The following GBP6 variants were observed in gnomAD, a reference collection of about 807,000 sequenced individuals.
GBP6 encodes the protein guanylate binding protein family member 6, also known as guanylate-binding protein 6.
Under a neutral mutation model 61.5 loss-of-function variants are expected in GBP6, and 54 were observed. The observed-to-expected ratio is 0.88, with a 90% CI of 0.71 to 1.10. GBP6 has a LOEUF of 1.10. Ranked by LOEUF, GBP6 falls within the 50% of genes least tolerant of loss-of-function variation. The probability of loss-of-function intolerance (pLI) is 0.00; values close to 1 mark genes in which losing one functional copy is unlikely to be tolerated. For synonymous variants in GBP6, 255 were observed against 273.7 expected (o/e 0.93, Z 0.67); for missense variants, 748 against 752.8 (o/e 0.99, Z 0.07).
intron 6 of GBP6, among the ~76,000 whole-genome samples, chr1:89,381,062 A>T (rs1652962587): frequency 6.6e-6 from 1 of 152,106 alleles, no homozygotes; most frequent in Non-Finnish European, 1.5e-5. Context: ...AGGCACGCAG[A>T]TCGCTTGAGC....
intron 1 of GBP6, 41 bp from the exon 2 acceptor site, chr1:89,368,488 T>G: frequency 2.0e-6 from 3 of 1,476,050 alleles, no homozygotes; most frequent in Non-Finnish European, 2.8e-6. Context: ...TGGGAAACAC[T>G]GAGACAGAGA....
At chr1:89,368,802 AT>A in intron 2 of GBP6, 61 bp downstream of exon 2, 1 of 1,488,516 alleles carries the variant, frequency 6.7e-7, no homozygotes, top group Non-Finnish European at 9.2e-7. Flanking sequence ...CAGCTTCTTG[AT>A]TCTCTACCCC....
intron 3 of GBP6, among the ~76,000 whole-genome samples, chr1:89,370,129 G>A (rs968413531): frequency 6.6e-6 from 1 of 152,194 alleles, no homozygotes; most frequent in African/African-American, 2.4e-5. Context: ...TTTGGGACAA[G>A]GGTGCTAGGC....
Position 89,381,721 on chromosome 1 carries a change from T to C in GBP6, c.899T>C (p.Val300Ala). Residue 300 changes from valine (V) to alanine (A), a missense_variant, in exon 7 of 11, where the codon GTA (valine) becomes GCA (alanine). Physicochemically the swap from Val to Ala is moderately conservative, Grantham distance 64 (BLOSUM62 0). Coordinates refer to ENST00000370456, the MANE Select transcript of GBP6 (RefSeq NM_198460.3). ...CTGGGAACTCTGGCAGTGACTTATGTAGAGGCCATCAACAGTGGAGCAGTG... is the reference window on the plus strand; with the variant it reads ...CTGGGAACTCTGGCAGTGACTTATGCAGAGGCCATCAACAGTGGAGCAGTG... Reference protein sequence around the residue: ...NRLGTLAVTYVEAINSGAVPC... With the variant: ...NRLGTLAVTYAEAINSGAVPC... 1 of 1,613,684 alleles carries C rather than the reference T, an allele frequency of 6.2e-7. No homozygotes were observed. The highest frequency in any genetic ancestry group is 1.1e-5 in the South Asian group (1 of 91,052).
At chr1:89,366,580 A>G (rs1434762062) in intron 1 of GBP6, among the ~76,000 whole-genome samples, 1 of 152,210 alleles carries the variant, frequency 6.6e-6, no homozygotes, top group Non-Finnish European at 1.5e-5. Context: ...ACCTTATAGC[A>G]TAACCACTGT....
chr1:89,383,182 C>T (rs1480993218), intron 8 of GBP6, among the ~76,000 whole-genome samples: 1 of 150,860 alleles, frequency 6.6e-6, no homozygotes, highest in Non-Finnish European at 1.5e-5. Flanking sequence ...CTTCCCCAGA[C>T]ATTTTAATTT....
Position 89,382,668 on chromosome 1 carries a change from C to A in GBP6, c.1157C>A (p.Thr386Asn), listed in dbSNP as rs1321428474. The A allele has an allele frequency of 6.2e-7, 1 of 1,613,490 alleles. No individual in the cohort carries two copies. The highest frequency in any genetic ancestry group is 1.3e-5 in the African/African-American group (1 of 74,910). Residue 386 changes from threonine to asparagine, a missense_variant, in exon 8 of 11, where the codon ACC becomes AAC. Thr to Asn is a moderately conservative substitution (Grantham distance 65, BLOSUM62 0). Coordinates refer to ENST00000370456, the MANE Select transcript of GBP6 (RefSeq NM_198460.3). ...CTCTCTACATTTCCCTTGCAGGAAA[C>A]CACAATGAATAAGAAGGGGGATTTC... is the stretch of plus-strand genomic sequence containing the variant. ...NQEFQKKFMETTMNKKGDFLL... is the reference protein window; with the variant it reads ...NQEFQKKFMENTMNKKGDFLL...
Position 89,380,409 on chromosome 1 carries a change from T to C in GBP6, c.649T>C (p.Ser217Pro), listed in dbSNP as rs1652936147. 1 of 1,613,620 alleles carries C rather than the reference T, an allele frequency of 6.2e-7. No individual in the cohort carries two copies. Among genetic ancestry groups the C allele is most frequent in the Non-Finnish European group, 8.5e-7 (1 of 1,179,710 alleles). ...IQGNNPRVQT[S>P]NFPRECIRRF... ...AGGCAATAATCCCAGAGTTCAAACATCCAATTTTCCCAGGGAGTGCATCAG... is the reference window on the plus strand; with the variant it reads ...AGGCAATAATCCCAGAGTTCAAACACCCAATTTTCCCAGGGAGTGCATCAG... The change falls in exon 6 of 11, where the codon TCC becomes CCC. Residue 217 changes from serine (S) to proline (P), a missense_variant. Ser to Pro is a moderately conservative substitution (Grantham distance 74). Transcript: ENST00000370456.
chr1:89,378,880 T>G (rs563743128), intron 5 of GBP6, among the ~76,000 whole-genome samples: 1 of 152,208 alleles, frequency 6.6e-6, no homozygotes, highest in Non-Finnish European at 1.5e-5. Context: ...GTGCTAAGAC[T>G]TTCTAATAAC....
In GBP6 at chr1:89,380,499, G is replaced by C; in HGVS notation, c.739G>C (p.Ala247Pro). Residue 247 changes from alanine (A) to proline (P), a missense_variant, in exon 6 of 11, where the codon GCC becomes CCC. Transcript: ENST00000370456. The stretch of plus-strand genomic sequence containing the variant: ...GCCAACAAATGACAAAGACCTTCTA[G>C]CCAATATTGAGAAGGTGTCAGAAAA... The part of the protein sequence containing the change: ...DRPTNDKDLL[A>P]NIEKVSEKQL... The C allele has an allele frequency of 6.2e-7, 1 of 1,614,044 alleles. No individual in the cohort carries two copies.
chr1:89,384,727 C>T (rs866819837), intron 10 of GBP6, among the ~76,000 whole-genome samples: 6 of 152,154 alleles, frequency 3.9e-5, no homozygotes, highest in Non-Finnish European at 7.3e-5. Context: ...TTAGAAATTT[C>T]CAGACTTAAA....
chr1:89,369,185 A>T (rs1652549830), intron 2 of GBP6, among the ~76,000 whole-genome samples: 1 of 152,170 alleles, frequency 6.6e-6, no homozygotes. Context: ...TCAATGCAAA[A>T]AAAGATCTCA....
rs775406848 is a variant in GBP6, at chr1:89,384,218, G to A, written c.1594G>A (p.Glu532Lys). ...SRKENIAQLK[E>K]KLQMEREHLL... ...CAAGGAAAACATAGCCCAACTGAAG[G>A]AGAAGCTGCAGATGGAGAGAGAACA... The change falls in exon 10 of 11, where the codon GAG (glutamate) becomes AAG (lysine). Residue 532 changes from glutamate to lysine, a missense_variant. Glu to Lys is a moderately conservative substitution (Grantham distance 56). Transcript: ENST00000370456. The A allele has an allele frequency of 6.2e-7, 1 of 1,613,916 alleles. No individual in the cohort carries two copies. Among genetic ancestry groups the A allele is most frequent in the African/African-American group, 1.3e-5 (1 of 74,928 alleles).
intron 7 of GBP6, 49 bp downstream of exon 7, chr1:89,382,023 G>T: frequency 2.0e-6 from 3 of 1,533,264 alleles, no homozygotes; most frequent in Non-Finnish European, 2.6e-6. Context: ...CTTGAAGAAT[G>T]AAGCCTATAG....
chr1:89,385,452 C>A lies in GBP6; in HGVS notation c.1885C>A (p.His629Asn), dbSNP rs748489019. 6.2e-7 allele frequency: 1 copy of A among 1,613,670 alleles called. No individual in the cohort carries two copies. Among genetic ancestry groups the A allele is most frequent in the African/African-American group, 1.3e-5 (1 of 74,878 alleles). ...VKGVSSLFKK[H>N]KLPF The stretch of plus-strand genomic sequence containing the variant: ...AGGTGTGAGCTCACTCTTTAAAAAG[C>A]ATAAGCTCCCCTTTTAAGGATATTA... Residue 629 changes from histidine to asparagine, a missense_variant, in exon 11 of 11, where the codon CAT (histidine) becomes AAT (asparagine). Physicochemically the swap from His to Asn is moderately conservative, Grantham distance 68 (BLOSUM62 1). Transcript: ENST00000370456.
chr1:89,375,332 C>A (rs1652775430), intron 3 of GBP6, among the ~76,000 whole-genome samples: 2 of 152,218 alleles, frequency 1.3e-5, no homozygotes, highest in Middle Eastern at 3.4e-3. Context: ...CATCTCACAC[C>A]AGTCAGAATA....
intron 3 of GBP6, among the ~76,000 whole-genome samples, chr1:89,371,749 G>C (rs1359785822): frequency 6.6e-6 from 1 of 152,138 alleles, no homozygotes; most frequent in Non-Finnish European, 1.5e-5. Flanking sequence ...TTTGAAAACT[G>C]GCACAAGACA....
intron 3 of GBP6, among the ~76,000 whole-genome samples, chr1:89,372,788 G>A (rs1328337344): frequency 6.6e-6 from 1 of 152,044 alleles, no homozygotes; most frequent in African/African-American, 2.4e-5. Context: ...CAAAAGCAAT[G>A]GCAACAAAAG....
At chr1:89,383,979 G>A (rs1287860294) in intron 9 of GBP6, 114 bp from the exon 10 acceptor site, 3 of 1,120,438 alleles carry the variant, frequency 2.7e-6, no homozygotes, top group Admixed American at 5.7e-5. Flanking sequence ...GGACCTGGGT[G>A]AATTCTGTGA....
Sources: allele counts gnomAD v4.1 joint callset (sites outside exome capture counted in the v4.1 genomes callset), GRCh38; gene constraint gnomAD v4.1.1; transcripts MANE v1.5; gene names NCBI Gene and HGNC (gene_info 2026-07-23, HGNC 2026-07-21).